The following SH3RF3 variants were observed in gnomAD, a reference collection of about 807,000 sequenced individuals.
SH3RF3 encodes E3 ubiquitin-protein ligase SH3RF3.
In SH3RF3, 29 loss-of-function variants were observed where a neutral mutation model predicts 66.3. The ratio of observed to expected loss-of-function variants is 0.44; its 90% CI spans 0.33 to 0.60. SH3RF3 has a LOEUF of 0.60. Ranked by LOEUF, SH3RF3 falls within the 20% of genes least tolerant of loss-of-function variation. The pLI, the probability that SH3RF3 is intolerant of heterozygous loss-of-function variation, is 0.04. For missense variants in SH3RF3, 1,194 were observed against 1,190.9 expected, an observed-to-expected ratio of 1.00 and a Z score of -0.04; for synonymous variants, 583 against 532.0, an observed-to-expected ratio of 1.10 and a Z score of -1.32.
intron 1 of SH3RF3, among the ~76,000 whole-genome samples, chr2:109,341,713 C>CCCTA (rs377023556): frequency 5.2e-4 from 79 of 152,316 alleles, no homozygotes; most frequent in African/African-American, 1.9e-3. Flanking sequence ...AACTGGCCCA[C>CCCTA]CCTACTGTGT....
intron 1 of SH3RF3, among the ~76,000 whole-genome samples, chr2:109,154,297 G>A (rs1677287911): frequency 6.6e-6 from 1 of 152,172 alleles, no homozygotes; most frequent in Admixed American, 6.5e-5. Context: ...AAGGAAGGGA[G>A]CCCCTGTTTC....
At chr2:109,467,533 G>A (rs1156586051) in intron 8 of SH3RF3, among the ~76,000 whole-genome samples, 4 of 152,234 alleles carry the variant, frequency 2.6e-5, no homozygotes, top group African/African-American at 7.2e-5. Context: ...TGAGGGCAGC[G>A]GCAATGCACA....
At chr2:109,318,256 C>T (rs1039267530) in intron 1 of SH3RF3, among the ~76,000 whole-genome samples, 2 of 152,022 alleles carry the variant, frequency 1.3e-5, no homozygotes, top group Non-Finnish European at 2.9e-5. Context: ...GAAATTTGAG[C>T]GCAGCCCCAG....
intron 2 of SH3RF3, among the ~76,000 whole-genome samples, chr2:109,371,076 A>G (rs1683261585): frequency 6.6e-6 from 1 of 152,206 alleles, no homozygotes; most frequent in African/African-American, 2.4e-5. Flanking sequence ...GGCTCTTTGC[A>G]GCTATAATCA....
Position 109,480,163 on chromosome 2 carries a change from C to T in SH3RF3, c.2149-10442C>T, listed in dbSNP as rs144278035. ...TTGCATATCAACCACATTAAGACAT[C>T]TGCTTTCAGAAAAGAAGGCGTTGTG... is the stretch of plus-strand genomic sequence containing the variant. On this transcript the variant is annotated intron_variant, in intron 8 of 9. Coordinates refer to ENST00000309415, the MANE Select transcript of SH3RF3 (RefSeq NM_001099289.3). Among the ~76,000 whole-genome samples, 19 of 152,320 alleles carry T rather than the reference C, an allele frequency of 1.2e-4. No individual in the cohort carries two copies. The East Asian group carries it at 3.7e-3, about 29-fold the overall frequency.
intron 5 of SH3RF3, among the ~76,000 whole-genome samples, chr2:109,422,482 A>G (rs1676908782): frequency 6.6e-6 from 1 of 152,144 alleles, no homozygotes; most frequent in Non-Finnish European, 1.5e-5. Flanking sequence ...CCTGGCATGG[A>G]TTCCCTAAGG....
At chr2:109,464,669 A>G (rs13415971) in intron 8 of SH3RF3, among the ~76,000 whole-genome samples, 12,132 of 152,210 alleles carry the variant, frequency 0.08, 1,491 homozygotes, top group African/African-American at 0.26. Context: ...ATTTTTTAGA[A>G]CAAATTTAGG....
chr2:109,129,352 TCCC>T lies in SH3RF3; in HGVS notation c.-187_-185del. 2.3e-6 allele frequency: 2 copies of T among 871,224 alleles called. No homozygotes were observed. Among genetic ancestry groups the T allele is most frequent in the Non-Finnish European group, 3.5e-6 (2 of 568,838 alleles). 54.0% of individuals were successfully genotyped at this position (871,224 alleles called of 1,614,324 possible). A position where few individuals can be genotyped will look rare whatever the true frequency, so the allele number is the denominator to read the frequency against. ...GGCCGGTCCCCGCCACGCAGGCCGG[TCCC>T]CGCCACGCAGGCCGGTCGGTGAGCC... On this transcript the variant is annotated 5_prime_UTR_variant, in exon 1 of 10. Coordinates refer to ENST00000309415, the MANE Select transcript of SH3RF3 (RefSeq NM_001099289.3).
chr2:109,277,372 A>G (rs1166609588), intron 1 of SH3RF3, among the ~76,000 whole-genome samples: 2 of 152,154 alleles, frequency 1.3e-5, no homozygotes, highest in Non-Finnish European at 2.9e-5. Flanking sequence ...ACTGCTCTTT[A>G]TGTGACCCCG....
chr2:109,461,182 T>C (rs1678200162), intron 8 of SH3RF3, among the ~76,000 whole-genome samples: 1 of 152,254 alleles, frequency 6.6e-6, no homozygotes, highest in South Asian at 2.1e-4. Context: ...CATGGAATGC[T>C]GCTGTGCACG....
chr2:109,249,662 T>C (rs1680036433), intron 1 of SH3RF3, among the ~76,000 whole-genome samples: 1 of 150,412 alleles, frequency 6.6e-6, no homozygotes, highest in African/African-American at 2.5e-5. Flanking sequence ...TCTTTCTTTC[T>C]TTCTTGACAG....
chr2:109,228,065 G>A (rs1382078783), intron 1 of SH3RF3, among the ~76,000 whole-genome samples: 1 of 152,118 alleles, frequency 6.6e-6, no homozygotes. Context: ...ACACAGGTAC[G>A]AGTGTCTGGT....
chr2:109,286,194 AAAGT>A (rs1681025649), intron 1 of SH3RF3, among the ~76,000 whole-genome samples: 1 of 152,214 alleles, frequency 6.6e-6, no homozygotes, highest in South Asian at 2.1e-4. Context: ...TTCAGTTCTT[AAAGT>A]AAGGGCCTGG....
Position 109,303,060 on chromosome 2 carries a change from G to A in SH3RF3, c.574-44614G>A, listed in dbSNP as rs1681507959. On this transcript the variant is annotated intron_variant, in intron 1 of 9. Transcript: ENST00000309415. ...CCCTACTAATTTTGTATTTTTGGTA[G>A]AGGCGGGGTTTCATCATGCTGGCCA... Among the ~76,000 whole-genome samples the A allele has an allele frequency of 2.6e-5, 4 of 152,124 alleles. No homozygotes were observed. In the South Asian group the frequency reaches 8.3e-4, roughly 32 times the overall value.
chr2:109,401,272 T>C (rs780960583), intron 4 of SH3RF3, among the ~76,000 whole-genome samples: 3 of 152,208 alleles, frequency 2.0e-5, no homozygotes, highest in Non-Finnish European at 4.4e-5. Flanking sequence ...GAAAGTTGTG[T>C]TGTGAAACAA....
chr2:109,154,461 G>A (rs73952858), intron 1 of SH3RF3, among the ~76,000 whole-genome samples: 4,582 of 152,266 alleles, frequency 0.03, 216 homozygotes, highest in African/African-American at 0.1. Flanking sequence ...TCCTGGGAAG[G>A]GACCACCAGC....
At chr2:109,276,620 A>C (rs1056700403) in intron 1 of SH3RF3, among the ~76,000 whole-genome samples, 1 of 152,226 alleles carries the variant, frequency 6.6e-6, no homozygotes, top group Admixed American at 6.5e-5. Context: ...TTGTTTTGCC[A>C]TGGTGCTTTG....
intron 1 of SH3RF3, among the ~76,000 whole-genome samples, chr2:109,179,243 C>T (rs1405251469): frequency 1.3e-5 from 2 of 152,058 alleles, no homozygotes; most frequent in African/African-American, 4.8e-5. Flanking sequence ...ACATGTGATC[C>T]TTTTTATCCT....
chr2:109,136,056 G>A (rs1241815280), intron 1 of SH3RF3, among the ~76,000 whole-genome samples: 1 of 152,184 alleles, frequency 6.6e-6, no homozygotes, highest in Non-Finnish European at 1.5e-5. Flanking sequence ...ATGGAGCTGA[G>A]CAGAATTCTA....
Sources: gnomAD v4.1 joint callset for allele counts (sites outside exome capture counted in the v4.1 genomes callset) on GRCh38, gnomAD v4.1.1 for gene constraint, MANE v1.5 for transcripts, NCBI Gene and HGNC (gene_info 2026-07-23, HGNC 2026-07-21) for gene names.